The following F5 variants were observed in gnomAD, a reference collection of about 807,000 sequenced individuals.
F5 encodes the protein coagulation factor V, also known as activated protein c cofactor.
Under a neutral mutation model 216.4 loss-of-function variants are expected in F5, and 138 were observed. The observed-to-expected ratio is 0.64, with a 90% CI of 0.56 to 0.73. The LOEUF (loss-of-function observed/expected upper bound fraction) is 0.73. Ranked by LOEUF, F5 falls within the 30% of genes least tolerant of loss-of-function variation. The probability of loss-of-function intolerance (pLI) is 0.00; values close to 1 mark genes in which losing one functional copy is unlikely to be tolerated. For missense variants in F5, 2,403 were observed against 2,674.0 expected (o/e 0.90, Z 2.24); for synonymous variants, 916 against 930.7 (o/e 0.98, Z 0.29).
chr1:169,515,570 C>T lies in F5; in HGVS notation c.6402G>A (p.Thr2134=), dbSNP rs144486119. 3.2e-4 allele frequency: 512 copies of T among 1,613,166 alleles called. No individual in the cohort carries two copies. The highest frequency in any genetic ancestry group is 4.3e-4 in the South Asian group (39 of 91,064). ...EIDLLKIKKI[T]AIITQGCKSL... ...ACTTGCAGCCCTGTGTTATAATTGC[C>T]GTTATCTTCTTGATCTTGAGTAGAT... Residue 2134 remains threonine (T), a synonymous_variant, in exon 24 of 25, where the codon ACG becomes ACA. Coordinates refer to ENST00000367797, the MANE Select transcript of F5 (RefSeq NM_000130.5).
At chr1:169,579,398 T>A (rs1319102166) in intron 2 of F5, among the ~76,000 whole-genome samples, 3 of 152,150 alleles carry the variant, frequency 2.0e-5, no homozygotes, top group East Asian at 1.9e-4. Context: ...CCTCCCTGGG[T>A]GAGTTCACAC....
Position 169,523,251 on chromosome 1 carries a change from A to G in F5, c.5994T>C (p.Ser1998=). Residue 1998 remains serine (S), a synonymous_variant, in exon 21 of 25, where the codon AGT becomes AGC. Transcript: ENST00000367797. The part of the protein sequence containing the change: ...CYTTEFYVAY[S]SNQINWQIFK... ...AGATCTGCCAGTTGATCTGGTTGGA[A>G]CTGTAAGCTACATAGAACTCTGTGG... The G allele has an allele frequency of 6.2e-7, 1 of 1,614,066 alleles. No homozygotes were observed. The highest frequency in any genetic ancestry group is 8.5e-7 in the Non-Finnish European group (1 of 1,179,970).
chr1:169,522,799 A>C (rs1397127589), intron 21 of F5, among the ~76,000 whole-genome samples: 1 of 152,228 alleles, frequency 6.6e-6, no homozygotes, highest in Non-Finnish European at 1.5e-5. Flanking sequence ...TATTTACTTC[A>C]GGTACACTGA....
chr1:169,536,820 T>C (rs1033823527), intron 13 of F5, 140 bp from the exon 14 acceptor site: 50 of 650,090 alleles, frequency 7.7e-5, no homozygotes, highest in Non-Finnish European at 1.2e-4. Context: ...AGTAAATATA[T>C]AAGTGGATAA....
At chr1:169,551,225 G>A (rs1258356949) in intron 8 of F5, among the ~76,000 whole-genome samples, 1 of 152,184 alleles carries the variant, frequency 6.6e-6, no homozygotes, top group East Asian at 1.9e-4. Context: ...GAAGCAGGTG[G>A]ATCACTTGAG....
At chr1:169,523,400 C>A in intron 20 of F5, 48 bp from the exon 21 acceptor site, 2 of 1,603,108 alleles carry the variant, frequency 1.2e-6, no homozygotes, top group South Asian at 2.2e-5. Context: ...GTCAACAAGT[C>A]ACACACTGCC....
chr1:169,552,814 C>T (rs768934845), intron 7 of F5, 80 bp from the exon 8 acceptor site: 55 of 1,072,036 alleles, frequency 5.1e-5, no homozygotes, highest in Admixed American at 1.3e-4. Flanking sequence ...TGTGCTTAAA[C>T]ATTCTGCTCT....
intron 23 of F5, among the ~76,000 whole-genome samples, chr1:169,518,008 A>G (rs1243649841): frequency 6.6e-6 from 1 of 152,196 alleles, no homozygotes; most frequent in Admixed American, 6.5e-5. Flanking sequence ...TTTTTTGTAA[A>G]CAAAGTTTTA....
chr1:169,559,005 T>TAA lies in F5; in HGVS notation c.730+146_730+147dup, dbSNP rs58738850. On this transcript the variant is annotated intron_variant, in intron 5 of 24. Transcript: ENST00000367797. ...TAATTTGTCTCTTCTATTTCCTGTT[T>TAA]AAAAAAAAAAAGAGAAAATATTTCC... 4.5e-3 allele frequency: 3,154 copies of TAA among 706,566 alleles called. 1 individual carries two copies. The East Asian group carries it at 0.049, about 11-fold the overall frequency. 43.8% of individuals were successfully genotyped at this position (706,566 alleles called of 1,614,324 possible). A position where few individuals can be genotyped will look rare whatever the true frequency, so the allele number is the denominator to read the frequency against.
Position 169,518,386 on chromosome 1 carries a change from AACACCATGCATAGAGTAT to A in F5, c.6345+8_6345+25del, listed in dbSNP as rs775024856. Reference sequence around the variant, plus strand: ...TTGCTTTCTTCTGGAGCCCTAAGAGAACACCATGCATAGAGTATACTTGACCTTGGCTTGCCAGGCATT... The same window carrying A: ...TTGCTTTCTTCTGGAGCCCTAAGAGAACTTGACCTTGGCTTGCCAGGCATT... On this transcript the variant is annotated splice_region_variant and intron_variant, in intron 23 of 24. Transcript: ENST00000367797. The A allele has an allele frequency of 9.9e-6, 16 of 1,613,184 alleles. No individual in the cohort carries two copies. In the African/African-American group the frequency reaches 1.9e-4, roughly 19 times the overall value.
Position 169,546,477 on chromosome 1 carries a change from T to C in F5, c.1727A>G (p.Asp576Gly). 6.2e-7 allele frequency: 1 copy of C among 1,614,184 alleles called. No individual in the cohort carries two copies. The highest frequency in any genetic ancestry group is 1.1e-5 in the South Asian group (1 of 91,076). The change falls in exon 11 of 25, where the codon GAT (aspartate) becomes GGT (glycine). Residue 576 changes from aspartate to glycine, a missense_variant. By Grantham distance (94) the Asp-to-Gly change is moderately conservative. Around this residue, in one of 4 missense-constraint regions of F5, gnomAD observed 1,425 missense variants for 1,554.8 expected, o/e 0.92. Transcript: ENST00000367797. The stretch of plus-strand genomic sequence containing the variant: ...GTTTGATTCATAAAACTTGGGGTCA[T>C]CACGTTTCACCTCATCAGGATTTTC... ...FCENPDEVKRDDPKFYESNIM... is the reference protein window; with the variant it reads ...FCENPDEVKRGDPKFYESNIM...
chr1:169,515,998 A>T (rs1177958746), intron 23 of F5, among the ~76,000 whole-genome samples: 1 of 152,182 alleles, frequency 6.6e-6, no homozygotes. Flanking sequence ...AAAAATAATT[A>T]AACTGCTAAA....
rs1659819903 is a variant in F5 at position 169,540,862 on chromosome 1, T to A, written c.4228A>T (p.Thr1410Ser). The A allele has an allele frequency of 5.6e-6, 9 of 1,611,822 alleles. No individual in the cohort carries two copies. The highest frequency in any genetic ancestry group is 7.6e-6 in the Non-Finnish European group (9 of 1,179,028). The change falls in exon 13 of 25, where the codon ACA becomes TCA. Residue 1410 changes from threonine (T) to serine (S), a missense_variant. Transcript: ENST00000367797. ...IPLTPDLDQM[T>S]LSPDLGETDL... ...GTCTCACCAAGGTCTGGAGAAAGTGTCATCTGGTCGAGGTCTGGGGTAAGG... is the reference window on the plus strand; with the variant it reads ...GTCTCACCAAGGTCTGGAGAAAGTGACATCTGGTCGAGGTCTGGGGTAAGG...
At chr1:169,550,520 C>T (rs1660143469) in intron 9 of F5, 120 bp downstream of exon 9, 2 of 769,518 alleles carry the variant, frequency 2.6e-6, no homozygotes, top group Non-Finnish European at 4.6e-6. Flanking sequence ...TTTTAGGATA[C>T]TCCTACATGT....
At position 169,515,471 on chromosome 1, in the gene F5, G is replaced by T; in HGVS notation, c.6501C>A (p.Tyr2167Ter). 1.2e-6 allele frequency: 2 copies of T among 1,613,438 alleles called. No homozygotes were observed. Among genetic ancestry groups the T allele is most frequent in the Non-Finnish European group, 1.7e-6 (2 of 1,179,604 alleles). ...TGTCCACCATGGAGGATTTCAGCCTGTATGGTTTCCATTCCACTCCCTGCT... is the reference window on the plus strand; with the variant it reads ...TGTCCACCATGGAGGATTTCAGCCTTTATGGTTTCCATTCCACTCCCTGCT... ...YSEQGVEWKP[Y>*]RLKSSMVDKI... The change falls in exon 24 of 25, where the codon TAC becomes TAA. Residue 2167 changes from tyrosine to a stop codon, truncating the protein, a stop_gained. Coordinates refer to ENST00000367797, the MANE Select transcript of F5 (RefSeq NM_000130.5). LOFTEE classifies it high-confidence loss of function.
intron 2 of F5, among the ~76,000 whole-genome samples, chr1:169,575,194 G>C (rs1227452514): frequency 6.6e-6 from 1 of 152,170 alleles, no homozygotes; most frequent in Non-Finnish European, 1.5e-5. Flanking sequence ...AGGCAGAGAG[G>C]AAAAGGGATG....
chr1:169,514,384 G>A lies in F5; in HGVS notation c.6604C>T (p.Arg2202Cys), dbSNP rs754980174. 6.2e-6 allele frequency: 10 copies of A among 1,612,768 alleles called. No individual in the cohort carries two copies. Among genetic ancestry groups the A allele is most frequent in the East Asian group, 4.5e-5 (2 of 44,850 alleles). The change falls in exon 25 of 25, where the codon CGT becomes TGT. Residue 2202 changes from arginine (R) to cysteine (C), a missense_variant. Transcript: ENST00000367797. ...TGATTCCATGTTTTAGGAATGACAC[G>A]GATAAACCTGGAAATGATTGGGGGG... ...FNPPIISRFI[R>C]VIPKTWNQSI...
intron 21 of F5, 65 bp downstream of exon 21, chr1:169,523,132 A>G (rs1571560691): frequency 5.9e-6 from 9 of 1,524,842 alleles, no homozygotes; most frequent in East Asian, 2.3e-5. Context: ...ATCATTAGGT[A>G]TAGTCATAAT....
At chr1:169,518,597 A>C in intron 22 of F5, 34 bp from the exon 23 acceptor site, 1 of 1,611,470 alleles carries the variant, frequency 6.2e-7, no homozygotes. Context: ...TTAATTACAC[A>C]CCAATATTCC....
Sources: gnomAD v4.1 joint callset for allele counts (sites outside exome capture counted in the v4.1 genomes callset) on GRCh38, gnomAD v4.1.1 for gene constraint, gnomAD v4.1.1 regional missense constraint, MANE v1.5 for transcripts, NCBI Gene and HGNC (gene_info 2026-07-23, HGNC 2026-07-21) for gene names.